IGF1R: variants seen among roughly 807,000 people sequenced by gnomAD.
IGF1R encodes the protein insulin like growth factor 1 receptor.
In IGF1R, 44 loss-of-function variants were observed where a neutral mutation model predicts 144.6. That is an observed-to-expected ratio of 0.30 (90% CI 0.24 to 0.39). IGF1R has a LOEUF of 0.39. Ranked by LOEUF, IGF1R falls within the 10% of genes least tolerant of loss-of-function variation. The pLI, the probability that IGF1R is intolerant of heterozygous loss-of-function variation, is 1.00. For synonymous variants in IGF1R, 795 were observed against 722.8 expected (o/e 1.10, Z -1.60); for missense variants, 1,355 against 1,833.7 (o/e 0.74, Z 4.77).
intron 2 of IGF1R, among the ~76,000 whole-genome samples, chr15:98,858,620 A>G (rs536277075): frequency 1.3e-4 from 20 of 152,322 alleles, no homozygotes; most frequent in African/African-American, 4.8e-4. Flanking sequence ...GGCTTAGAGA[A>G]CTCTGGGCTT....
intron 2 of IGF1R, among the ~76,000 whole-genome samples, chr15:98,789,767 A>C (rs1446809136): frequency 6.6e-6 from 1 of 152,138 alleles, no homozygotes; most frequent in Non-Finnish European, 1.5e-5. Flanking sequence ...GTGACAGTGG[A>C]GGTGAACCCA....
intron 2 of IGF1R, among the ~76,000 whole-genome samples, chr15:98,803,753 G>A (rs758024458): frequency 2.0e-5 from 3 of 152,056 alleles, no homozygotes; most frequent in African/African-American, 4.8e-5. Context: ...TGATCCACCC[G>A]CCTCGGCCTC....
At chr15:98,675,157 T>C (rs567453960) in intron 1 of IGF1R, among the ~76,000 whole-genome samples, 2 of 151,860 alleles carry the variant, frequency 1.3e-5, no homozygotes, top group African/African-American at 4.8e-5. Context: ...CCTGGCAAAT[T>C]TTTGTATTTT....
intron 19 of IGF1R, among the ~76,000 whole-genome samples, chr15:98,946,394 AG>A (rs958916634): frequency 7.2e-5 from 11 of 152,112 alleles, no homozygotes; most frequent in African/African-American, 2.7e-4. Flanking sequence ...TCTGAACCAG[AG>A]GGTGATTAGA....
chr15:98,743,230 A>G (rs2054788453), intron 2 of IGF1R, among the ~76,000 whole-genome samples: 1 of 152,208 alleles, frequency 6.6e-6, no homozygotes, highest in South Asian at 2.1e-4. Context: ...TGTTGTGGAT[A>G]AGATTTAGAA....
chr15:98,730,875 T>C (rs774700569), intron 2 of IGF1R, among the ~76,000 whole-genome samples: 14 of 152,230 alleles, frequency 9.2e-5, no homozygotes, highest in Non-Finnish European at 1.6e-4. Flanking sequence ...TTAAAGAATA[T>C]TATCACATCA....
At chr15:98,800,538 A>G (rs188947656) in intron 2 of IGF1R, among the ~76,000 whole-genome samples, 2 of 152,266 alleles carry the variant, frequency 1.3e-5, no homozygotes, top group Middle Eastern at 6.8e-3. Context: ...AAAGATACGG[A>G]GTGTGACTCA....
chr15:98,653,088 C>A (rs1166034551), intron 1 of IGF1R, among the ~76,000 whole-genome samples: 1 of 151,980 alleles, frequency 6.6e-6, no homozygotes, highest in Non-Finnish European at 1.5e-5. Context: ...AGCAATACAA[C>A]AAACTGATAA....
At chr15:98,696,073 C>T (rs1157463873) in intron 1 of IGF1R, among the ~76,000 whole-genome samples, 1 of 144,502 alleles carries the variant, frequency 6.9e-6, no homozygotes, top group African/African-American at 2.6e-5. Context: ...TCGTCACATA[C>T]AGAAATTATA....
intron 2 of IGF1R, among the ~76,000 whole-genome samples, chr15:98,730,825 AT>A (rs879382002): frequency 2.6e-4 from 40 of 151,458 alleles, no homozygotes; most frequent in Non-Finnish European, 4.1e-4. Context: ...ACCTTCCCGT[AT>A]TTTTTTTTCA....
chr15:98,650,052 C>T (rs1596138685), intron 1 of IGF1R, among the ~76,000 whole-genome samples: 3 of 151,492 alleles, frequency 2.0e-5, no homozygotes, highest in African/African-American at 4.9e-5. Context: ...GCGCAAGAGC[C>T]TCTCCGCACA....
At chr15:98,668,348 A>G (rs944812099) in intron 1 of IGF1R, among the ~76,000 whole-genome samples, 7 of 152,196 alleles carry the variant, frequency 4.6e-5, no homozygotes, top group African/African-American at 1.2e-4. Flanking sequence ...GCAGTGTGCC[A>G]TAGTGAAGGG....
At position 98,649,525 on chromosome 15, in the gene IGF1R, C is replaced by T. The variant is rs140815976; in HGVS notation, c.-57C>T. The T allele has an allele frequency of 1.7e-3, 1,227 of 725,196 alleles. 8 individuals are homozygous for T. The highest frequency in any genetic ancestry group is 2.2e-3 in the Admixed American group (81 of 37,072). The allele number at this position is 725,196 out of a possible 1,614,324, so 44.9% of individuals were successfully genotyped here. On this transcript the variant is annotated 5_prime_UTR_variant, in exon 1 of 21. Coordinates refer to ENST00000650285, the MANE Select transcript of IGF1R (RefSeq NM_000875.5). ...TCATTTCCTTTTTTTCTTTTCTTTT[C>T]TTTTTTTTTTTTTTTTTTTTTTTTG... is the stretch of plus-strand genomic sequence containing the variant.
intron 2 of IGF1R, among the ~76,000 whole-genome samples, chr15:98,801,337 G>A (rs2056359442): frequency 6.6e-6 from 1 of 152,220 alleles, no homozygotes; most frequent in Non-Finnish European, 1.5e-5. Context: ...TGGAAGCTGT[G>A]TGACAATGCT....
intron 2 of IGF1R, among the ~76,000 whole-genome samples, chr15:98,822,019 C>T (rs186135670): frequency 1.3e-4 from 20 of 152,334 alleles, no homozygotes; most frequent in Admixed American, 1.0e-3. Flanking sequence ...ATGAGCTACT[C>T]TGTAAATGAT....
At chr15:98,742,334 C>A (rs2054764627) in intron 2 of IGF1R, among the ~76,000 whole-genome samples, 1 of 151,980 alleles carries the variant, frequency 6.6e-6, no homozygotes, top group Non-Finnish European at 1.5e-5. Context: ...GAAAATAAAC[C>A]CCACATAACT....
At chr15:98,683,500 A>C (rs950451592) in intron 1 of IGF1R, among the ~76,000 whole-genome samples, 1 of 152,204 alleles carries the variant, frequency 6.6e-6, no homozygotes, top group Non-Finnish European at 1.5e-5. Context: ...GTTGTGTTAC[A>C]ACTTGTTTAC....
In IGF1R at chr15:98,963,391, G is replaced by T; in HGVS notation, c.*5949G>T. The T allele has an allele frequency of 4.3e-6, 1 of 233,288 alleles. No individual in the cohort carries two copies. 14.5% of individuals were successfully genotyped at this position (233,288 alleles called of 1,614,324 possible). A position where few individuals can be genotyped will look rare whatever the true frequency, so the allele number is the denominator to read the frequency against. The stretch of plus-strand genomic sequence containing the variant: ...AGTAGTTCTGTATCTTCAGTATCTT[G>T]GTCTTCCAGAACCCTCTGGTTGGGA... On this transcript the variant is annotated 3_prime_UTR_variant, in exon 21 of 21. Coordinates refer to ENST00000650285, the MANE Select transcript of IGF1R (RefSeq NM_000875.5).
intron 2 of IGF1R, among the ~76,000 whole-genome samples, chr15:98,728,250 G>A (rs1179974352): frequency 2.0e-5 from 3 of 152,114 alleles, no homozygotes; most frequent in Non-Finnish European, 4.4e-5. Context: ...CACGCCTGTT[G>A]TTGCCGCTGG....
Sources: gnomAD v4.1 joint callset for allele counts (sites outside exome capture counted in the v4.1 genomes callset) on GRCh38, gnomAD v4.1.1 for gene constraint, MANE v1.5 for transcripts, NCBI Gene and HGNC (gene_info 2026-07-23, HGNC 2026-07-21) for gene names.